TRPM6: variants seen among roughly 807,000 people sequenced by gnomAD.
TRPM6 encodes channel kinase 2.
In TRPM6, 111 loss-of-function variants were observed where a neutral mutation model predicts 247.6. That is an observed-to-expected ratio of 0.45 (90% CI 0.38 to 0.52). The LOEUF is 0.52. Ranked by LOEUF, TRPM6 falls within the 20% of genes least tolerant of loss-of-function variation. The probability of loss-of-function intolerance (pLI) is 0.00; values close to 1 mark genes in which losing one functional copy is unlikely to be tolerated. For missense variants in TRPM6, 2,126 were observed against 2,421.5 expected, an observed-to-expected ratio of 0.88 and a Z score of 2.56; for synonymous variants, 892 against 853.8, an observed-to-expected ratio of 1.04 and a Z score of -0.78.
intron 32 of TRPM6, among the ~76,000 whole-genome samples, chr9:74,742,949 G>A (rs981983659): frequency 6.6e-6 from 1 of 152,118 alleles, no homozygotes; most frequent in African/African-American, 2.4e-5. Flanking sequence ...ATTTTAATCC[G>A]TGGACTTTGG....
At chr9:74,781,887 T>C (rs1021322670) in intron 23 of TRPM6, among the ~76,000 whole-genome samples, 1 of 152,206 alleles carries the variant, frequency 6.6e-6, no homozygotes, top group Non-Finnish European at 1.5e-5. Flanking sequence ...TTGAAAATAT[T>C]TGGGGAAAAG....
At chr9:74,784,974 C>T (rs1303079354) in intron 21 of TRPM6, among the ~76,000 whole-genome samples, 2 of 152,048 alleles carry the variant, frequency 1.3e-5, no homozygotes, top group Admixed American at 6.6e-5. Context: ...ATTAGCTTGG[C>T]ATGATGGTGT....
Position 74,821,848 on chromosome 9 carries a change from C to G in TRPM6, c.842-11G>C. 6.2e-7 allele frequency: 1 copy of G among 1,614,022 alleles called. No homozygotes were observed. Among genetic ancestry groups the G allele is most frequent in the Non-Finnish European group, 8.5e-7 (1 of 1,179,976 alleles). ...CGCCTTGTCTTGAGCCTATTCCAGA[C>G]CACAAACAATACCACACTGTTAGAG... On this transcript the variant is annotated splice_polypyrimidine_tract_variant and intron_variant, in intron 7 of 38. Coordinates refer to ENST00000360774, the MANE Select transcript of TRPM6 (RefSeq NM_017662.5).
chr9:74,760,520 T>C (rs1430734918), intron 27 of TRPM6, among the ~76,000 whole-genome samples: 1 of 152,168 alleles, frequency 6.6e-6, no homozygotes, highest in African/African-American at 2.4e-5. Flanking sequence ...GACACATTTC[T>C]CAGAAAGTAT....
At chr9:74,821,534 T>C (rs1829128222) in intron 8 of TRPM6, 135 bp downstream of exon 8, 1 of 1,050,774 alleles carries the variant, frequency 9.5e-7, no homozygotes, top group Non-Finnish European at 1.5e-6. Flanking sequence ...ACAAACACAG[T>C]CACTGAGAAA....
intron 1 of TRPM6, among the ~76,000 whole-genome samples, chr9:74,872,586 G>A (rs1278209904): frequency 2.1e-5 from 3 of 140,348 alleles, no homozygotes; most frequent in Non-Finnish European, 3.1e-5. Context: ...GCACACCACC[G>A]CGCCCAGCAA....
chr9:74,742,714 T>G (rs564451033), intron 32 of TRPM6, 88 bp from the exon 33 acceptor site: 4 of 1,117,404 alleles, frequency 3.6e-6, no homozygotes, highest in Admixed American at 3.7e-5. Flanking sequence ...ATTCATATAA[T>G]GCTATTTAAT....
In TRPM6 at chr9:74,800,427, G is replaced by C; in HGVS notation, c.2065C>G (p.Arg689Gly). 1 of 1,613,878 alleles carries C rather than the reference G, an allele frequency of 6.2e-7. No individual in the cohort carries two copies. Residue 689 changes from arginine (R) to glycine (G), a missense_variant, in exon 17 of 39, where the codon CGC becomes GGC. Physicochemically the swap from Arg to Gly is moderately radical, Grantham distance 125. Coordinates refer to ENST00000360774, the MANE Select transcript of TRPM6 (RefSeq NM_017662.5). The stretch of plus-strand genomic sequence containing the variant: ...TACGTCAACAGCGTCATGGCCATGC[G>C]CTCATTCTGCTTGAATGCCTTCTCC... ...LLEKAFKQNE[R>G]MAMTLLTYEL...
chr9:74,735,619 G>A (rs947955958), intron 36 of TRPM6, among the ~76,000 whole-genome samples: 17 of 152,138 alleles, frequency 1.1e-4, no homozygotes, highest in African/African-American at 4.1e-4. Flanking sequence ...AAAATACAAT[G>A]AGCTAAAAAA....
At chr9:74,803,973 G>A in intron 14 of TRPM6, 87 bp from the exon 15 acceptor site, 3 of 846,994 alleles carry the variant, frequency 3.5e-6, no homozygotes, top group South Asian at 2.7e-5. Flanking sequence ...GGAGATTATA[G>A]TGGTAACAAT....
chr9:74,816,109 T>C lies in TRPM6; in HGVS notation c.1308+560A>G, dbSNP rs146297051. Among the ~76,000 whole-genome samples, 458 of 152,322 alleles carry C rather than the reference T, an allele frequency of 3.0e-3. 3 individuals carry two copies. The highest frequency in any genetic ancestry group is 0.01 in the African/African-American group (434 of 41,578). Reference sequence around the variant, plus strand: ...GGCTCACGCCTGTAATTCTGGCACTTTGGGAGACCAAGGTAGCAAGATCAT... The same window carrying C: ...GGCTCACGCCTGTAATTCTGGCACTCTGGGAGACCAAGGTAGCAAGATCAT... On this transcript the variant is annotated intron_variant, in intron 11 of 38. Transcript: ENST00000360774.
At chr9:74,728,129 C>T (rs574908465) in intron 38 of TRPM6, 110 bp downstream of exon 38, 35 of 877,380 alleles carry the variant, frequency 4.0e-5, no homozygotes, top group African/African-American at 1.5e-4. Context: ...CTGCGAATGA[C>T]GGTGAATGAG....
intron 1 of TRPM6, among the ~76,000 whole-genome samples, chr9:74,883,146 C>T (rs779872340): frequency 2.0e-5 from 3 of 152,098 alleles, no homozygotes; most frequent in Admixed American, 6.6e-5. Flanking sequence ...TTTTACTTAG[C>T]ATTATGTCCT....
chr9:74,793,816 G>A (rs1391908656), intron 18 of TRPM6, among the ~76,000 whole-genome samples: 2 of 151,838 alleles, frequency 1.3e-5, no homozygotes, highest in Non-Finnish European at 2.9e-5. Context: ...TGTTGTACAT[G>A]CATTTTTCTG....
chr9:74,873,778 T>C (rs1306098679), intron 1 of TRPM6, among the ~76,000 whole-genome samples: 1 of 151,972 alleles, frequency 6.6e-6, no homozygotes, highest in Non-Finnish European at 1.5e-5. Context: ...CAGAAAAAAA[T>C]CTTTTAATTT....
At chr9:74,878,544 C>T (rs541262123) in intron 1 of TRPM6, among the ~76,000 whole-genome samples, 4 of 152,154 alleles carry the variant, frequency 2.6e-5, no homozygotes, top group African/African-American at 7.2e-5. Flanking sequence ...GAAATCATAA[C>T]GAGACTATAC....
chr9:74,777,849 T>TA (rs1827278695), intron 23 of TRPM6, among the ~76,000 whole-genome samples: 1 of 152,186 alleles, frequency 6.6e-6, no homozygotes, highest in Non-Finnish European at 1.5e-5. Context: ...TACACACCTC[T>TA]AGCACTCTGC....
chr9:74,880,762 A>G (rs947488555), intron 1 of TRPM6, among the ~76,000 whole-genome samples: 19 of 152,202 alleles, frequency 1.2e-4, no homozygotes, highest in African/African-American at 4.8e-5. Flanking sequence ...AAACCCACTA[A>G]TAGGACAAAC....
At position 74,820,356 on chromosome 9, in the gene TRPM6, T is replaced by C. The variant is rs1435583206; in HGVS notation, c.1082A>G (p.Gln361Arg). 1.9e-6 allele frequency: 3 copies of C among 1,614,070 alleles called. No homozygotes were observed. The highest frequency in any genetic ancestry group is 1.1e-5 in the South Asian group (1 of 91,090). ...TAGAATTTGGAAAAGGTGCTTGGAC[T>C]GTTTAAGACTAAAGTTGAAAGTGTT... The part of the protein sequence containing the change: ...IQNTFNFSLK[Q>R]SKHLFQILME... Residue 361 changes from glutamine to arginine, a missense_variant, in exon 9 of 39, where the codon CAG (glutamine) becomes CGG (arginine). Gln to Arg is a conservative substitution (Grantham distance 43). Around this residue, in one of 3 missense-constraint regions of TRPM6, gnomAD observed 1,082 missense variants for 1,307.9 expected, o/e 0.83. Transcript: ENST00000360774.
Sources: gnomAD v4.1 joint callset for allele counts (sites outside exome capture counted in the v4.1 genomes callset) on GRCh38, gnomAD v4.1.1 for gene constraint, gnomAD v4.1.1 regional missense constraint, MANE v1.5 for transcripts, NCBI Gene and HGNC (gene_info 2026-07-23, HGNC 2026-07-21) for gene names.